The following TAF3 variants were observed in gnomAD, a reference collection of about 807,000 sequenced individuals.
TAF3 encodes the protein TATA-box binding protein associated factor 3, also known as transcription initiation factor TFIID subunit 3.
Under a neutral mutation model 80.6 loss-of-function variants are expected in TAF3, and 7 were observed. That is an observed-to-expected ratio of 0.09 (90% CI 0.05 to 0.16). The LOEUF (loss-of-function observed/expected upper bound fraction) is 0.16, where lower values mean the gene tolerates loss of function less well. TAF3 is among the 10% of genes least tolerant of loss of function. The pLI is 1.00. For missense variants in TAF3, 921 were observed against 1,140.2 expected (o/e 0.81, Z 2.77); for synonymous variants, 444 against 446.1 (o/e 1.00, Z 0.06).
intron 3 of TAF3, among the ~76,000 whole-genome samples, chr10:7,970,424 G>A (rs969869274): frequency 3.3e-4 from 51 of 152,312 alleles, no homozygotes; most frequent in African/African-American, 1.2e-3. Flanking sequence ...CAGAAAGGTC[G>A]AGTACCTTGC....
chr10:7,916,449 T>C (rs1013101501), intron 2 of TAF3, among the ~76,000 whole-genome samples: 3 of 152,240 alleles, frequency 2.0e-5, no homozygotes, highest in African/African-American at 7.2e-5. Flanking sequence ...ATGCAAGAAC[T>C]GAATTCATTC....
chr10:7,904,237 A>G (rs1368170877), intron 2 of TAF3, among the ~76,000 whole-genome samples: 1 of 152,204 alleles, frequency 6.6e-6, no homozygotes, highest in Non-Finnish European at 1.5e-5. Context: ...CTTGGGCAGT[A>G]TGGTAGTGGC....
intron 2 of TAF3, among the ~76,000 whole-genome samples, chr10:7,830,680 C>T (rs1481303800): frequency 2.6e-5 from 4 of 151,936 alleles, no homozygotes; most frequent in African/African-American, 9.7e-5. Flanking sequence ...GACGGGGTTT[C>T]ACCATGTTGG....
At chr10:7,874,267 C>G (rs1416425117) in intron 2 of TAF3, among the ~76,000 whole-genome samples, 1 of 152,100 alleles carries the variant, frequency 6.6e-6, no homozygotes, top group Non-Finnish European at 1.5e-5. Context: ...TGCATTTAAA[C>G]TTGTACTGAT....
At chr10:7,926,307 C>T (rs547287512) in intron 2 of TAF3, among the ~76,000 whole-genome samples, 4 of 152,104 alleles carry the variant, frequency 2.6e-5, no homozygotes, top group East Asian at 1.9e-4. Flanking sequence ...TTGGCCACTA[C>T]GATGTTGTAC....
intron 2 of TAF3, among the ~76,000 whole-genome samples, chr10:7,937,466 C>G (rs960753439): frequency 6.6e-6 from 1 of 152,124 alleles, no homozygotes; most frequent in African/African-American, 2.4e-5. Context: ...TTTCCTGTGC[C>G]TATTTGCCAT....
intron 2 of TAF3, among the ~76,000 whole-genome samples, chr10:7,856,493 A>T (rs1025866594): frequency 1.2e-4 from 18 of 152,194 alleles, no homozygotes; most frequent in Non-Finnish European, 1.6e-4. Flanking sequence ...AATAAATAAA[A>T]AAATAGATTT....
In TAF3 at chr10:8,009,477, G is replaced by A. The variant is rs1832032294; in HGVS notation, c.2568+147G>A. The stretch of plus-strand genomic sequence containing the variant: ...TATTTTTGAGACAGGGTCTCCCTGT[G>A]TGGCTCAGGCTGGAGTACAGTGGCC... On this transcript the variant is annotated intron_variant, in intron 5 of 6. Transcript: ENST00000344293. This position sits in a 1 kb window ranked among gnomAD's most constrained non-coding sequence, Gnocchi z 4.1. 17 of 1,245,062 alleles carry A rather than the reference G, an allele frequency of 1.4e-5. No homozygotes were observed. Among genetic ancestry groups the A allele is most frequent in the Middle Eastern group, 2.9e-4 (1 of 3,448 alleles). The allele number at this position is 1,245,062 out of a possible 1,614,324, so 77.1% of individuals were successfully genotyped here. A position where few individuals can be genotyped will look rare whatever the true frequency, so the allele number is the denominator to read the frequency against.
chr10:7,865,359 G>A (rs1156877610), intron 2 of TAF3, among the ~76,000 whole-genome samples: 1 of 152,114 alleles, frequency 6.6e-6, no homozygotes, highest in East Asian at 1.9e-4. Flanking sequence ...GGCGCCTGTA[G>A]TCCCAGCTAC....
chr10:7,973,275 A>AT (rs1215933739), intron 3 of TAF3, among the ~76,000 whole-genome samples: 1 of 152,204 alleles, frequency 6.6e-6, no homozygotes, highest in Admixed American at 6.5e-5. Context: ...GTAGAGCAGA[A>AT]TTTTTTTAAA....
In TAF3 at chr10:7,965,034, G is replaced by A. The variant is rs770790970; in HGVS notation, c.1524G>A (p.Val508=). The A allele has an allele frequency of 2.5e-6, 4 of 1,614,042 alleles. No individual in the cohort carries two copies. Among genetic ancestry groups the A allele is most frequent in the East Asian group, 4.5e-5 (2 of 44,888 alleles). ...CCACTCCCGAACCTCTCCACAAGGTGTATGAGGAGAAAACCAAGCTGCCTT... is the reference window on the plus strand; with the variant it reads ...CCACTCCCGAACCTCTCCACAAGGTATATGAGGAGAAAACCAAGCTGCCTT... ...SPPTPEPLHK[V]YEEKTKLPSS... Residue 508 remains valine (V), a synonymous_variant, in exon 3 of 7, where the codon GTG becomes GTA. Transcript: ENST00000344293.
intron 2 of TAF3, among the ~76,000 whole-genome samples, chr10:7,876,624 G>T (rs1423830003): frequency 6.6e-6 from 1 of 152,128 alleles, no homozygotes; most frequent in Non-Finnish European, 1.5e-5. Context: ...AATCACGGGG[G>T]TCAGTGGTTA....
At chr10:7,905,829 G>A (rs1427348725) in intron 2 of TAF3, among the ~76,000 whole-genome samples, 1 of 152,096 alleles carries the variant, frequency 6.6e-6, no homozygotes, top group Non-Finnish European at 1.5e-5. Flanking sequence ...GTTGCAGTGA[G>A]CTGAGATTAT....
At chr10:7,944,965 G>T (rs1838010156) in intron 2 of TAF3, among the ~76,000 whole-genome samples, 1 of 152,156 alleles carries the variant, frequency 6.6e-6, no homozygotes, top group Admixed American at 6.5e-5. Context: ...TTTGGTTAAA[G>T]GTATATATAT....
At chr10:7,994,184 G>C (rs879440149) in intron 4 of TAF3, among the ~76,000 whole-genome samples, 1 of 151,492 alleles carries the variant, frequency 6.6e-6, no homozygotes, top group East Asian at 1.9e-4. Context: ...ACTGGGTTTC[G>C]ACACAACCTC....
Position 7,964,290 on chromosome 10 carries a change from A to G in TAF3, c.780A>G (p.Ala260=), listed in dbSNP as rs751582251. The change falls in exon 3 of 7, where the codon GCA becomes GCG. Residue 260 remains alanine, a synonymous_variant. Transcript: ENST00000344293. This position sits in a 1 kb window ranked among gnomAD's most constrained non-coding sequence, Gnocchi z 4.1. ...TTGCAAAATCACAAATGCCAACTGC[A>G]AAACCATTAGAAACAAAGTCATTTA... ...APVAKSQMPT[A]KPLETKSFTP... 38 of 1,614,116 alleles carry G rather than the reference A, an allele frequency of 2.4e-5. No homozygotes were observed. Among genetic ancestry groups the G allele is most frequent in the Non-Finnish European group, 2.6e-5 (31 of 1,180,056 alleles).
chr10:7,927,308 C>T (rs1273580150), intron 2 of TAF3, among the ~76,000 whole-genome samples: 1 of 152,232 alleles, frequency 6.6e-6, no homozygotes, highest in Non-Finnish European at 1.5e-5. Flanking sequence ...TCTCCACTCA[C>T]ATTGACCTTT....
At chr10:7,954,408 T>C (rs199628830) in intron 2 of TAF3, among the ~76,000 whole-genome samples, 4 of 99,912 alleles carry the variant, frequency 4.0e-5, no homozygotes, top group Non-Finnish European at 6.4e-5. Flanking sequence ...GTGAATTAGT[T>C]CTAGTTAACA....
At chr10:7,844,377 T>TA (rs1836948058) in intron 2 of TAF3, among the ~76,000 whole-genome samples, 1 of 139,696 alleles carries the variant, frequency 7.2e-6, no homozygotes, top group South Asian at 2.4e-4. Flanking sequence ...TTCTTCTTGT[T>TA]CTTTTTTTTT....
Sources: gnomAD v4.1 joint callset for allele counts (sites outside exome capture counted in the v4.1 genomes callset) on GRCh38, gnomAD v4.1.1 for gene constraint, Gnocchi (gnomAD v3.1) non-coding constraint, MANE v1.5 for transcripts, NCBI Gene and HGNC (gene_info 2026-07-23, HGNC 2026-07-21) for gene names.